SAMD11: variants seen among roughly 807,000 people sequenced by gnomAD.
SAMD11 encodes sterile alpha motif domain containing 11, also known as sterile alpha motif domain-containing protein 11.
In SAMD11, 77 loss-of-function variants were observed where a neutral mutation model predicts 64.4. The ratio of observed to expected loss-of-function variants is 1.20; its 90% CI spans 0.99 to 1.44. SAMD11 has a LOEUF of 1.44. Ranked by LOEUF, SAMD11 falls within the 40% of genes most tolerant of loss-of-function variation. The probability of loss-of-function intolerance (pLI) is 0.00; values close to 1 mark genes in which losing one functional copy is unlikely to be tolerated. For missense variants in SAMD11, 1,402 were observed against 943.3 expected (o/e 1.49, Z -6.37); for synonymous variants, 658 against 421.9 (o/e 1.56, Z -6.86).
In SAMD11 at chr1:942,375, AC is replaced by A. The variant is rs547761589; in HGVS notation, c.1475-29del. 2.2e-4 allele frequency: 274 copies of A among 1,255,668 alleles called. 2 individuals carry two copies. In the South Asian group the frequency reaches 2.6e-3, roughly 12 times the overall value. The allele number at this position is 1,255,668 out of a possible 1,614,324, so 77.8% of individuals were successfully genotyped here. ...AAAGGGCCGGCTCGGACCGCCTCGGACCCCCCGACCCCGCGTTGTCCCCCTC... is the reference window on the plus strand; with the variant it reads ...AAAGGGCCGGCTCGGACCGCCTCGGACCCCCGACCCCGCGTTGTCCCCCTC... On this transcript the variant is annotated intron_variant, in intron 9 of 13. Coordinates refer to ENST00000616016, the MANE Select transcript of SAMD11 (RefSeq NM_001385641.1).
At chr1:930,380 G>A (rs753449689) in intron 3 of SAMD11, 44 bp downstream of exon 3, 11 of 1,544,394 alleles carry the variant, frequency 7.1e-6, no homozygotes, top group African/African-American at 4.1e-5. Flanking sequence ...GGCTCAGATG[G>A]GGCTGGAGCT....
Position 930,220 on chromosome 1 carries a change from G to T in SAMD11, c.675G>T (p.Glu225Asp). 1.3e-6 allele frequency: 2 copies of T among 1,586,728 alleles called. No individual in the cohort carries two copies. The highest frequency in any genetic ancestry group is 1.7e-6 in the Non-Finnish European group (2 of 1,166,812). Residue 225 changes from glutamate (E) to aspartate (D), a missense_variant, in exon 3 of 14, where the codon GAG becomes GAT. Coordinates refer to ENST00000616016, the MANE Select transcript of SAMD11 (RefSeq NM_001385641.1). ...ALPAARNLKKERTPSFSASDG... is the reference protein window; with the variant it reads ...ALPAARNLKKDRTPSFSASDG... ...CTGCCGCCCGGAACCTGAAGAAGGAGCGAACTCCCAGCTTCTCTGCCAGCG... is the reference window on the plus strand; with the variant it reads ...CTGCCGCCCGGAACCTGAAGAAGGATCGAACTCCCAGCTTCTCTGCCAGCG...
At chr1:941,516 G>T (rs1641765421) in intron 8 of SAMD11, among the ~76,000 whole-genome samples, 1 of 152,036 alleles carries the variant, frequency 6.6e-6, no homozygotes, top group Non-Finnish European at 1.5e-5. Context: ...GCCCATCAGG[G>T]GGTTCCCTGG....
intron 7 of SAMD11, chr1:940,483 G>C (rs901917209): frequency 6.6e-6 from 1 of 152,238 alleles, no homozygotes; most frequent in Admixed American, 6.5e-5. Flanking sequence ...TATAAACAGA[G>C]GCGGCGGTGG....
Position 943,909 on chromosome 1 carries a change from T to G in SAMD11, c.2291T>G (p.Val764Gly), listed in dbSNP as rs763053620. 71 of 1,612,622 alleles carry G rather than the reference T, an allele frequency of 4.4e-5. No individual in the cohort carries two copies. The highest frequency in any genetic ancestry group is 4.2e-4 in the Admixed American group (25 of 60,002). ...LGPALKIRAQ[V>G]ARRLGRVFYV... ...CCCCACCAGGCCATCTCTCTGCAGGTGGCCAGGCGCCTGGGCCGAGTTTTC... is the reference window on the plus strand; with the variant it reads ...CCCCACCAGGCCATCTCTCTGCAGGGGGCCAGGCGCCTGGGCCGAGTTTTC... Residue 764 changes from valine to glycine, a missense_variant and splice_region_variant, in exon 14 of 14, where the codon GTG becomes GGG. Coordinates refer to ENST00000616016, the MANE Select transcript of SAMD11 (RefSeq NM_001385641.1).
In SAMD11 at chr1:943,305, C is replaced by T; in HGVS notation, c.2106C>T (p.Asp702=). The change falls in exon 12 of 14, where the codon GAC becomes GAT. Residue 702 remains aspartate (D), a synonymous_variant. Transcript: ENST00000616016. The part of the protein sequence containing the change: ...MDGEEAPAPE[D]VTKWTVDDVC... ...GGGAGGAGGCCCCAGCCCCTGAGGACGTCACCAAGTGGACCGTGGATGACG... is the reference window on the plus strand; with the variant it reads ...GGGAGGAGGCCCCAGCCCCTGAGGATGTCACCAAGTGGACCGTGGATGACG... 1.2e-6 allele frequency: 2 copies of T among 1,612,282 alleles called. No homozygotes were observed. Among genetic ancestry groups the T allele is most frequent in the Admixed American group, 1.7e-5 (1 of 59,920 alleles).
chr1:942,306 GCC>G, intron 9 of SAMD11, 55 bp downstream of exon 9: 1 of 1,047,264 alleles, frequency 9.5e-7, no homozygotes, highest in Non-Finnish European at 1.3e-6. Flanking sequence ...CGCGGACCCG[GCC>G]CTGCCCCTGT....
In SAMD11 at chr1:942,644, C is replaced by G; in HGVS notation, c.1639C>G (p.Pro547Ala). 7.0e-7 allele frequency: 1 copy of G among 1,438,244 alleles called. No homozygotes were observed. The allele number at this position is 1,438,244 out of a possible 1,614,324, so 89.1% of individuals were successfully genotyped here. The change falls in exon 11 of 14, where the codon CCC becomes GCC. Residue 547 changes from proline to alanine, a missense_variant. Coordinates refer to ENST00000616016, the MANE Select transcript of SAMD11 (RefSeq NM_001385641.1). ...QLLAPETALR[P>A]NDGAEELQRR... ...GCTGGCGCCCGAGACCGCCCTGCGC[C>G]CCAACGACGGCGCCGAGGAGCTGCA...
chr1:936,627 G>T (rs570198387), intron 5 of SAMD11, among the ~76,000 whole-genome samples: 1 of 152,194 alleles, frequency 6.6e-6, no homozygotes, highest in East Asian at 1.9e-4. Context: ...GCGCCCCGAG[G>T]CCCTGTGGAC....
chr1:937,915 G>A (rs1461796975), intron 5 of SAMD11, among the ~76,000 whole-genome samples: 4 of 152,256 alleles, frequency 2.6e-5, no homozygotes, highest in Admixed American at 6.5e-5. Flanking sequence ...AAGGGAATAA[G>A]AAAAAGGAAT....
chr1:937,049 G>A (rs565968126), intron 5 of SAMD11, among the ~76,000 whole-genome samples: 15 of 152,226 alleles, frequency 9.9e-5, no homozygotes, highest in Admixed American at 2.6e-4. Flanking sequence ...GTGCACTTCC[G>A]GGCTCACAGG....
At chr1:928,140 T>A (rs1640984566) in intron 2 of SAMD11, among the ~76,000 whole-genome samples, 2 of 152,196 alleles carry the variant, frequency 1.3e-5, no homozygotes, top group Non-Finnish European at 2.9e-5. Context: ...ATGCCTGTAA[T>A]CCCAGCACTT....
Position 943,074 on chromosome 1 carries a change from C to T in SAMD11, c.2053+16C>T, listed in dbSNP as rs1641893539. The T allele has an allele frequency of 3.2e-6, 5 of 1,547,000 alleles. No individual in the cohort carries two copies. In the East Asian group the frequency reaches 6.8e-5, roughly 21 times the overall value. ...TTCCACACAGGTGGGCACCCCCACA[C>T]TCTAGATCCTTCCAGAGGGCACAGG... On this transcript the variant is annotated intron_variant, in intron 11 of 13. Coordinates refer to ENST00000616016, the MANE Select transcript of SAMD11 (RefSeq NM_001385641.1).
chr1:940,969 C>T, intron 7 of SAMD11, 175 bp from the exon 8 acceptor site: 1 of 539,546 alleles, frequency 1.9e-6, no homozygotes, highest in South Asian at 2.5e-5. Flanking sequence ...ATCTTGTCTG[C>T]CGTCTCGGCC....
chr1:941,674 C>CA (rs931857132), intron 8 of SAMD11, among the ~76,000 whole-genome samples: 2 of 152,056 alleles, frequency 1.3e-5, no homozygotes, highest in Non-Finnish European at 2.9e-5. Flanking sequence ...GTTCCCGGCA[C>CA]AGACAAGGCC....
Position 942,165 on chromosome 1 carries a change from C to T in SAMD11, c.1388C>T (p.Ser463Leu), listed in dbSNP as rs1641814565. The T allele has an allele frequency of 7.0e-7, 1 of 1,428,566 alleles. No homozygotes were observed. The highest frequency in any genetic ancestry group is 9.2e-7 in the Non-Finnish European group (1 of 1,081,654). The allele number at this position is 1,428,566 out of a possible 1,614,324, so 88.5% of individuals were successfully genotyped here. A position where few individuals can be genotyped will look rare whatever the true frequency, so the allele number is the denominator to read the frequency against. ...RELPQPPPLL[S>L]PQNAPHVALG... Reference sequence around the variant, plus strand: ...CTGCCTCAGCCGCCCCCCTTGCTGTCGCCGCAGAATGCCCCTCACGTCGCC... The same window carrying T: ...CTGCCTCAGCCGCCCCCCTTGCTGTTGCCGCAGAATGCCCCTCACGTCGCC... The change falls in exon 9 of 14, where the codon TCG becomes TTG. Residue 463 changes from serine (S) to leucine (L), a missense_variant. Physicochemically the swap from Ser to Leu is moderately radical, Grantham distance 145. Transcript: ENST00000616016.
At chr1:940,032 C>T (rs1641662311) in intron 7 of SAMD11, among the ~76,000 whole-genome samples, 1 of 152,182 alleles carries the variant, frequency 6.6e-6, no homozygotes, top group Admixed American at 6.5e-5. Flanking sequence ...TCCCAGGCCC[C>T]AGCCGCCCGC....
Position 926,029 on chromosome 1 carries a change from C to T in SAMD11, c.609+16C>T, listed in dbSNP as rs755010695. On this transcript the variant is annotated intron_variant, in intron 2 of 13. Transcript: ENST00000616016. Reference sequence around the variant, plus strand: ...CTCCCCGGTGGTGAGATGCGGGGCTCGGTTGGGGCTGGGAGTTACTCTCCC... The same window carrying T: ...CTCCCCGGTGGTGAGATGCGGGGCTTGGTTGGGGCTGGGAGTTACTCTCCC... The T allele has an allele frequency of 1.1e-5, 18 of 1,609,122 alleles. No homozygotes were observed. The highest frequency in any genetic ancestry group is 8.3e-5 in the Admixed American group (5 of 59,998).
chr1:929,053 A>G (rs1641042311), intron 2 of SAMD11, among the ~76,000 whole-genome samples: 1 of 152,190 alleles, frequency 6.6e-6, no homozygotes, highest in Admixed American at 6.5e-5. Context: ...GCGGCCTGTT[A>G]CTACATTTAA....
Sources: allele counts gnomAD v4.1 joint callset (sites outside exome capture counted in the v4.1 genomes callset), GRCh38; gene constraint gnomAD v4.1.1; transcripts MANE v1.5; gene names NCBI Gene and HGNC (gene_info 2026-07-23, HGNC 2026-07-21).